ADAMTS12: variants seen among roughly 807,000 people sequenced by gnomAD.
The protein encoded by ADAMTS12 is A disintegrin and metalloproteinase with thrombospondin motifs 12.
ADAMTS12 carries 118 observed loss-of-function variants against 167.8 expected under a neutral mutation model. That is an observed-to-expected ratio of 0.70 (90% CI 0.61 to 0.82). The LOEUF is 0.82. Among genes scored for constraint, ADAMTS12 ranks in the 40% least tolerant of loss-of-function variants. The pLI is 0.00. For synonymous variants in ADAMTS12, 704 were observed against 716.9 expected, an observed-to-expected ratio of 0.98 and a Z score of 0.29; for missense variants, 1,916 against 1,998.8, an observed-to-expected ratio of 0.96 and a Z score of 0.79.
intron 9 of ADAMTS12, among the ~76,000 whole-genome samples, chr5:33,648,474 C>A (rs1353850698): frequency 1.3e-5 from 2 of 152,208 alleles, no homozygotes; most frequent in African/African-American, 2.4e-5. Flanking sequence ...GCTGCTGGTA[C>A]TCTTCAGCCA....
At chr5:33,564,480 G>A (rs540484627) in intron 19 of ADAMTS12, among the ~76,000 whole-genome samples, 15 of 152,352 alleles carry the variant, frequency 9.8e-5, no homozygotes, top group Admixed American at 7.8e-4. Context: ...AGATATCAAA[G>A]ACTTATGAGC....
At chr5:33,793,711 C>G (rs1411375916) in intron 2 of ADAMTS12, among the ~76,000 whole-genome samples, 1 of 152,098 alleles carries the variant, frequency 6.6e-6, no homozygotes, top group Admixed American at 6.5e-5. Flanking sequence ...AGCCGGCAGT[C>G]ACAGGCCTCA....
At chr5:33,638,455 C>T (rs1047699284) in intron 11 of ADAMTS12, among the ~76,000 whole-genome samples, 1 of 151,570 alleles carries the variant, frequency 6.6e-6, no homozygotes, top group Non-Finnish European at 1.5e-5. Flanking sequence ...TGTTACACTG[C>T]TCCAGTGGTG....
chr5:33,748,682 C>A (rs1347787093), intron 3 of ADAMTS12, among the ~76,000 whole-genome samples: 1 of 152,090 alleles, frequency 6.6e-6, no homozygotes, highest in Non-Finnish European at 1.5e-5. Flanking sequence ...GCAAAATGCT[C>A]CATATATGGT....
chr5:33,859,268 C>T (rs890403966), intron 2 of ADAMTS12, among the ~76,000 whole-genome samples: 16 of 152,236 alleles, frequency 1.1e-4, no homozygotes, highest in Admixed American at 7.8e-4. Flanking sequence ...GCTTGAAATT[C>T]TCGCTGCCAG....
chr5:33,737,058 G>A (rs1744399634), intron 3 of ADAMTS12, among the ~76,000 whole-genome samples: 1 of 152,196 alleles, frequency 6.6e-6, no homozygotes, highest in African/African-American at 2.4e-5. Context: ...CTGAGATCAA[G>A]GGAATGACAG....
chr5:33,618,737 A>T (rs1025999862), intron 14 of ADAMTS12, among the ~76,000 whole-genome samples: 6 of 152,176 alleles, frequency 3.9e-5, no homozygotes, highest in African/African-American at 1.4e-4. Context: ...CCTTTCTCAC[A>T]TATTCACAAT....
At chr5:33,701,382 C>T (rs994995015) in intron 3 of ADAMTS12, among the ~76,000 whole-genome samples, 3 of 152,124 alleles carry the variant, frequency 2.0e-5, no homozygotes, top group Non-Finnish European at 4.4e-5. Context: ...CTACTCTTTT[C>T]GTTAAGTATG....
chr5:33,549,799 G>C (rs548163447), intron 20 of ADAMTS12, among the ~76,000 whole-genome samples: 2 of 152,366 alleles, frequency 1.3e-5, no homozygotes, highest in Admixed American at 6.5e-5. Context: ...AGAGTGGCCT[G>C]CCTATCCCTT....
chr5:33,662,134 G>C, intron 5 of ADAMTS12, 94 bp from the exon 6 acceptor site: 1 of 1,500,622 alleles, frequency 6.7e-7, no homozygotes, highest in Non-Finnish European at 9.0e-7. Flanking sequence ...GTCCAAGTGA[G>C]ATGAATTCAG....
intron 2 of ADAMTS12, among the ~76,000 whole-genome samples, chr5:33,778,481 T>A (rs926741408): frequency 1.6e-4 from 24 of 150,288 alleles, no homozygotes; most frequent in Admixed American, 5.3e-4. Flanking sequence ...TTCAGATGAA[T>A]AAAACTGAAG....
intron 22 of ADAMTS12, among the ~76,000 whole-genome samples, chr5:33,536,289 C>A (rs1249377383): frequency 6.6e-6 from 1 of 152,174 alleles, no homozygotes; most frequent in South Asian, 2.1e-4. Context: ...GCGTGTGCCA[C>A]CACACCTGGT....
At chr5:33,755,537 G>A (rs1373344943) in intron 2 of ADAMTS12, among the ~76,000 whole-genome samples, 2 of 152,190 alleles carry the variant, frequency 1.3e-5, no homozygotes, top group Non-Finnish European at 2.9e-5. Context: ...ACTTCAATTA[G>A]TGACAGTGAT....
At chr5:33,704,867 C>T (rs569847524) in intron 3 of ADAMTS12, among the ~76,000 whole-genome samples, 13 of 152,094 alleles carry the variant, frequency 8.5e-5, no homozygotes, top group South Asian at 8.3e-4. Flanking sequence ...TTTTTTGTTT[C>T]GTTACCTATA....
At chr5:33,841,779 G>A (rs994160023) in intron 2 of ADAMTS12, among the ~76,000 whole-genome samples, 1 of 152,210 alleles carries the variant, frequency 6.6e-6, no homozygotes, top group Non-Finnish European at 1.5e-5. Context: ...AATGCAAGAA[G>A]GAGCATTTGT....
At chr5:33,803,240 A>G (rs977877401) in intron 2 of ADAMTS12, among the ~76,000 whole-genome samples, 1 of 152,204 alleles carries the variant, frequency 6.6e-6, no homozygotes, top group Non-Finnish European at 1.5e-5. Context: ...CACAGACAAA[A>G]CTATTACAAA....
chr5:33,739,854 G>A (rs999797416), intron 3 of ADAMTS12, among the ~76,000 whole-genome samples: 3 of 152,202 alleles, frequency 2.0e-5, no homozygotes, highest in Admixed American at 2.0e-4. Context: ...AAGCACCTGA[G>A]AGCCAGATGT....
At position 33,600,162 on chromosome 5, in the gene ADAMTS12, G is replaced by A. The variant is rs967244867; in HGVS notation, c.2528-4102C>T. 2.6e-5 allele frequency among the ~76,000 whole-genome samples: 4 copies of A among 152,156 alleles called. 1 individual carries two copies. Among genetic ancestry groups the A allele is most frequent in the East Asian group, 1.9e-4 (1 of 5,194 alleles). ...AAATCAGTTGCATTCCAAAATATATGAGAACTAAATTCAAAATGTTATTTC... is the reference window on the plus strand; with the variant it reads ...AAATCAGTTGCATTCCAAAATATATAAGAACTAAATTCAAAATGTTATTTC... On this transcript the variant is annotated intron_variant, in intron 16 of 23. Transcript: ENST00000504830.
At chr5:33,782,578 A>G (rs1746172180) in intron 2 of ADAMTS12, among the ~76,000 whole-genome samples, 1 of 152,106 alleles carries the variant, frequency 6.6e-6, no homozygotes, top group South Asian at 2.1e-4. Flanking sequence ...GGAATAGTTG[A>G]AAGTGAAAGA....
Sources: gnomAD v4.1 joint callset for allele counts (sites outside exome capture counted in the v4.1 genomes callset) on GRCh38, gnomAD v4.1.1 for gene constraint, MANE v1.5 for transcripts, NCBI Gene and HGNC (gene_info 2026-07-23, HGNC 2026-07-21) for gene names.